Variants in ADGRE1 observed in about 807,000 individuals in gnomAD.
ADGRE1 encodes the protein EGF-like module receptor 1.
ADGRE1 carries 82 observed loss-of-function variants against 102.7 expected under a neutral mutation model. That is an observed-to-expected ratio of 0.80 (90% CI 0.67 to 0.96). ADGRE1 has a LOEUF of 0.96. Ranked by LOEUF, ADGRE1 falls within the 40% of genes least tolerant of loss-of-function variation. The pLI is 0.00. For synonymous variants in ADGRE1, 398 were observed against 399.6 expected (o/e 1.00, Z 0.05); for missense variants, 1,032 against 1,085.3 (o/e 0.95, Z 0.69).
At chr19:6,933,018 T>C (rs12984977) in intron 17 of ADGRE1, among the ~76,000 whole-genome samples, 79,608 of 151,830 alleles carry the variant, frequency 0.52, 22,800 homozygotes, top group African/African-American at 0.75. Context: ...GTCAGGAGTC[T>C]GAGACCAGCC....
chr19:6,939,945 C>A, intron 20 of ADGRE1, 79 bp from the exon 21 acceptor site: 2 of 1,448,658 alleles, frequency 1.4e-6, no homozygotes, highest in South Asian at 1.2e-5. Flanking sequence ...ATACTTCTGT[C>A]CCTGTAGACA....
intron 18 of ADGRE1, among the ~76,000 whole-genome samples, chr19:6,936,123 GT>G (rs2145037641): frequency 6.6e-6 from 1 of 152,226 alleles, no homozygotes; most frequent in East Asian, 1.9e-4. Context: ...TTTTAAATAT[GT>G]TTGAAAAGTT....
intron 14 of ADGRE1, among the ~76,000 whole-genome samples, chr19:6,922,787 G>A (rs1436410289): frequency 6.6e-6 from 1 of 152,016 alleles, no homozygotes; most frequent in Non-Finnish European, 1.5e-5. Context: ...GTTGTAGAAA[G>A]TATCCTTTCA....
intron 17 of ADGRE1, among the ~76,000 whole-genome samples, chr19:6,933,404 T>TTTTA (rs1975250697): frequency 7.1e-6 from 1 of 141,790 alleles, no homozygotes; most frequent in African/African-American, 2.6e-5. Flanking sequence ...TTTTTTTTTT[T>TTTTA]GAGACAGAGT....
chr19:6,888,443 T>C (rs1474194384), intron 1 of ADGRE1, among the ~76,000 whole-genome samples: 1 of 152,204 alleles, frequency 6.6e-6, no homozygotes, highest in African/African-American at 2.4e-5. Flanking sequence ...TGTTTCTGGT[T>C]TTTCTTCTAT....
chr19:6,896,452 C>G lies in ADGRE1; in HGVS notation c.149C>G (p.Thr50Arg). Residue 50 changes from threonine to arginine, a missense_variant, in exon 3 of 21, where the codon ACA (threonine) becomes AGA (arginine). Coordinates refer to ENST00000312053, the MANE Select transcript of ADGRE1 (RefSeq NM_001974.5). ...CCAGCTTATGCCACCTGCACCAATA[C>G]AGTGGACAGTTACTATTGCGCTTGC... Reference protein sequence around the residue: ...LCPAYATCTNTVDSYYCACKQ... With the variant: ...LCPAYATCTNRVDSYYCACKQ... 1 of 1,614,130 alleles carries G rather than the reference C, an allele frequency of 6.2e-7. No homozygotes were observed. The highest frequency in any genetic ancestry group is 8.5e-7 in the Non-Finnish European group (1 of 1,179,990).
At chr19:6,893,800 C>T (rs902162569) in intron 2 of ADGRE1, among the ~76,000 whole-genome samples, 2 of 152,202 alleles carry the variant, frequency 1.3e-5, no homozygotes, top group Non-Finnish European at 2.9e-5. Context: ...AAAAAACTTA[C>T]CTATCATTCT....
At chr19:6,915,643 C>A (rs550277887) in intron 11 of ADGRE1, among the ~76,000 whole-genome samples, 1 of 151,732 alleles carries the variant, frequency 6.6e-6, no homozygotes, top group Non-Finnish European at 1.5e-5. Flanking sequence ...TATATAAGGC[C>A]GGGGGCAGTG....
In ADGRE1 at chr19:6,896,907, C is replaced by A. The variant is rs1973575621; in HGVS notation, c.239-242C>A. ...ATGGTGGCTGGATTCCAAGGATAAG[C>A]ATCCCAAGAGAACAAGGTAGAACTA... is the stretch of plus-strand genomic sequence containing the variant. On this transcript the variant is annotated intron_variant, in intron 3 of 20. Transcript: ENST00000312053. 1.6e-5 allele frequency: 8 copies of A among 513,960 alleles called. No individual in the cohort carries two copies. In the South Asian group the frequency reaches 2.4e-4, roughly 15 times the overall value. The allele number at this position is 513,960 out of a possible 1,614,324, so 31.8% of individuals were successfully genotyped here. A position where few individuals can be genotyped will look rare whatever the true frequency, so the allele number is the denominator to read the frequency against.
intron 8 of ADGRE1, among the ~76,000 whole-genome samples, chr19:6,904,816 G>A (rs907345092): frequency 6.6e-6 from 1 of 152,076 alleles, no homozygotes; most frequent in Non-Finnish European, 1.5e-5. Flanking sequence ...AAAACATAGT[G>A]TGCTTTGAAG....
At chr19:6,904,521 AGT>A (rs1425937466) in intron 8 of ADGRE1, among the ~76,000 whole-genome samples, 2 of 150,698 alleles carry the variant, frequency 1.3e-5, no homozygotes, top group Non-Finnish European at 3.0e-5. Context: ...ACAACAAAAA[AGT>A]GTGCTTTTTT....
At chr19:6,915,953 G>A (rs114533871) in intron 11 of ADGRE1, among the ~76,000 whole-genome samples, 4,329 of 142,338 alleles carry the variant, frequency 0.03, 271 homozygotes, top group African/African-American at 0.1. Context: ...AAAACTTAGA[G>A]AGAAAATCAT....
intron 5 of ADGRE1, among the ~76,000 whole-genome samples, chr19:6,899,399 C>T (rs774944916): frequency 6.6e-6 from 1 of 152,182 alleles, no homozygotes; most frequent in Non-Finnish European, 1.5e-5. Context: ...TTATTCTGGG[C>T]TGGGCGCGGT....
At position 6,890,514 on chromosome 19, in the gene ADGRE1, T is replaced by G. The variant is rs774348244; in HGVS notation, c.65T>G (p.Ile22Arg). 11 of 1,565,446 alleles carry G rather than the reference T, an allele frequency of 7.0e-6. No homozygotes were observed. The highest frequency in any genetic ancestry group is 9.5e-6 in the Non-Finnish European group (11 of 1,151,888). ...GTTATGCACAGCTGGGAAGGGCACA[T>G]AAGACCCACACGGAAACCAAACACA... ...CCVMHSWEGHIRPTRKPNTKG... is the reference protein window; with the variant it reads ...CCVMHSWEGHRRPTRKPNTKG... The change falls in exon 2 of 21, where the codon ATA (isoleucine) becomes AGA (arginine). Residue 22 changes from isoleucine (I) to arginine (R), a missense_variant. By Grantham distance (97) the Ile-to-Arg change is moderately conservative. Coordinates refer to ENST00000312053, the MANE Select transcript of ADGRE1 (RefSeq NM_001974.5).
intron 2 of ADGRE1, 86 bp downstream of exon 2, chr19:6,890,629 TC>T: frequency 7.1e-7 from 1 of 1,412,640 alleles, no homozygotes; most frequent in East Asian, 2.4e-5. Context: ...CTGAGCCTCA[TC>T]CAGATGCTTG....
Position 6,908,750 on chromosome 19 carries a change from A to G in ADGRE1, c.1100A>G (p.Lys367Arg), listed in dbSNP as rs1974065143. 1 of 1,610,662 alleles carries G rather than the reference A, an allele frequency of 6.2e-7. No individual in the cohort carries two copies. Among genetic ancestry groups the G allele is most frequent in the African/African-American group, 1.3e-5 (1 of 74,658 alleles). Residue 367 changes from lysine (K) to arginine (R), a missense_variant, in exon 10 of 21, where the codon AAA becomes AGA. Lys to Arg is a conservative substitution (Grantham distance 26). Coordinates refer to ENST00000312053, the MANE Select transcript of ADGRE1 (RefSeq NM_001974.5). ...GTTCTGGACAAAGTGTGTGAAAATA[A>G]AACGACCGTAGTTTCTCTGAAGGTA... ...FSVLDKVCEN[K>R]TTVVSLKNTT...
At chr19:6,930,822 A>G (rs2145016782) in intron 17 of ADGRE1, among the ~76,000 whole-genome samples, 1 of 152,074 alleles carries the variant, frequency 6.6e-6, no homozygotes, top group African/African-American at 2.4e-5. Context: ...TATTTTTAGT[A>G]GAGACGGGAT....
chr19:6,933,385 C>CTTTTTTTTTTTTTTTTTTTTTT (rs34493324), intron 17 of ADGRE1, among the ~76,000 whole-genome samples: 1 of 129,896 alleles, frequency 7.7e-6, no homozygotes, highest in African/African-American at 2.9e-5. Flanking sequence ...AGTGTGAAGA[C>CTTTTTTTTTTTTTTTTTTTTTT]TTTTTTTTTT....
chr19:6,904,890 G>A (rs1328776443), intron 8 of ADGRE1, among the ~76,000 whole-genome samples: 1 of 152,148 alleles, frequency 6.6e-6, no homozygotes, highest in African/African-American at 2.4e-5. Context: ...TGAAGGAGGA[G>A]AAGGACTTCT....
Sources: gnomAD v4.1 joint callset for allele counts (sites outside exome capture counted in the v4.1 genomes callset) on GRCh38, gnomAD v4.1.1 for gene constraint, MANE v1.5 for transcripts, NCBI Gene and HGNC (gene_info 2026-07-23, HGNC 2026-07-21) for gene names.